Variants in TUSC3 observed in about 807,000 individuals in gnomAD.
The protein encoded by TUSC3 is tumor suppressor candidate 3, also known as dolichyl-diphosphooligosaccharide--protein glycosyltransferase subunit TUSC3.
TUSC3 carries 45 observed loss-of-function variants against 44.8 expected under a neutral mutation model. The observed-to-expected ratio is 1.00, with a 90% CI of 0.79 to 1.29. The LOEUF (loss-of-function observed/expected upper bound fraction) is 1.29, where lower values mean the gene tolerates loss of function less well. TUSC3 is among the 50% of genes most tolerant of loss of function. TUSC3 has a pLI of 0.00. For synonymous variants in TUSC3, 212 were observed against 152.9 expected, an observed-to-expected ratio of 1.39 and a Z score of -2.85; for missense variants, 519 against 437.9, an observed-to-expected ratio of 1.19 and a Z score of -1.65.
intron 1 of TUSC3, among the ~76,000 whole-genome samples, chr8:15,450,727 G>C (rs1037001177): frequency 6.6e-6 from 1 of 152,118 alleles, no homozygotes; most frequent in Non-Finnish European, 1.5e-5. Context: ...TTTGGAGAAA[G>C]CCTTAGTAAC....
chr8:15,522,219 A>G (rs145836426), intron 2 of TUSC3, among the ~76,000 whole-genome samples: 3,552 of 151,940 alleles, frequency 0.023, 84 homozygotes, highest in Non-Finnish European at 0.033. Context: ...AAGTCAATAA[A>G]TAGTATTCAG....
chr8:15,558,988 G>A (rs951224494), intron 1 of TUSC3, among the ~76,000 whole-genome samples: 1 of 148,550 alleles, frequency 6.7e-6, no homozygotes, highest in Admixed American at 6.7e-5. Flanking sequence ...AGGGTTTTTT[G>A]TGTCTCTATT....
At chr8:15,660,254 A>C (rs1018820045) in intron 4 of TUSC3, among the ~76,000 whole-genome samples, 3 of 152,076 alleles carry the variant, frequency 2.0e-5, no homozygotes, top group African/African-American at 7.2e-5. Flanking sequence ...AAATAAGAAA[A>C]AGTAAATATA....
intron 1 of TUSC3, among the ~76,000 whole-genome samples, chr8:15,480,686 C>T (rs1440531717): frequency 6.6e-6 from 1 of 152,202 alleles, no homozygotes; most frequent in Non-Finnish European, 1.5e-5. Context: ...TCCCTCCCTG[C>T]ACCTGCATCC....
intron 1 of TUSC3, among the ~76,000 whole-genome samples, chr8:15,449,479 T>C (rs577449559): frequency 6.6e-6 from 1 of 152,220 alleles, no homozygotes; most frequent in Non-Finnish European, 1.5e-5. Context: ...GGAATGCTGG[T>C]CAGATACTGC....
At chr8:15,580,879 G>T (rs1287211348) in intron 1 of TUSC3, among the ~76,000 whole-genome samples, 1 of 141,402 alleles carries the variant, frequency 7.1e-6, no homozygotes, top group East Asian at 2.1e-4. Flanking sequence ...TGCTAGATTG[G>T]GGAAGTTCTC....
chr8:15,823,241 T>C, the TUSC3 span, among the ~76,000 whole-genome samples: 70,457 of 152,082 alleles, frequency 0.46, 18,745 homozygotes, highest in Non-Finnish European at 0.61. Context: ...AAAGCCTGAA[T>C]AGTGGAGGCT....
chr8:15,768,659 T>C (rs558758790), downstream of TUSC3, among the ~76,000 whole-genome samples: 1 of 152,148 alleles, frequency 6.6e-6, no homozygotes, highest in Non-Finnish European at 1.5e-5. Context: ...AATTGTCTGT[T>C]TGTAGATGAC....
the TUSC3 span, among the ~76,000 whole-genome samples, chr8:15,803,265 GA>G: frequency 6.6e-6 from 1 of 151,464 alleles, no homozygotes; most frequent in Non-Finnish European, 1.5e-5. Context: ...TCTTTCCCAG[GA>G]AAAAAAATTA....
At chr8:15,626,378 C>A (rs558898969) in intron 2 of TUSC3, among the ~76,000 whole-genome samples, 1 of 152,278 alleles carries the variant, frequency 6.6e-6, no homozygotes, top group South Asian at 2.1e-4. Context: ...GACCCCAAGG[C>A]GGAACTGGGT....
At chr8:15,682,469 C>T (rs76933166) in intron 6 of TUSC3, among the ~76,000 whole-genome samples, 20 of 152,126 alleles carry the variant, frequency 1.3e-4, no homozygotes, top group Non-Finnish European at 2.2e-4. Flanking sequence ...ACTTTTATCT[C>T]GTGTAAGTAC....
intron 1 of TUSC3, among the ~76,000 whole-genome samples, chr8:15,446,321 G>A (rs1293534724): frequency 2.6e-5 from 4 of 152,134 alleles, no homozygotes; most frequent in African/African-American, 4.8e-5. Flanking sequence ...CTTCCCAGAC[G>A]GGGTGGCGGC....
At chr8:15,775,031 C>G in the TUSC3 span, among the ~76,000 whole-genome samples, 3 of 152,160 alleles carry the variant, frequency 2.0e-5, no homozygotes, top group African/African-American at 7.2e-5. Flanking sequence ...GTTCATATCA[C>G]TATTCACAAT....
chr8:15,605,433 T>C (rs1391714902), intron 1 of TUSC3, among the ~76,000 whole-genome samples: 1 of 151,964 alleles, frequency 6.6e-6, no homozygotes, highest in African/African-American at 2.4e-5. Flanking sequence ...TATCTTCTCC[T>C]GTAGAAGGAA....
chr8:15,663,803 A>G (rs146166727), intron 5 of TUSC3, among the ~76,000 whole-genome samples: 1,685 of 151,920 alleles, frequency 0.011, 10 homozygotes, highest in Non-Finnish European at 0.018. Flanking sequence ...GCTTTTTTCC[A>G]TGCTAGTTTT....
intron 1 of TUSC3, among the ~76,000 whole-genome samples, chr8:15,431,346 T>G (rs1799871694): frequency 6.6e-6 from 1 of 151,850 alleles, no homozygotes; most frequent in Admixed American, 6.6e-5. Flanking sequence ...TATTTGTGTC[T>G]TCAATTTATT....
chr8:15,492,373 T>C (rs1331526520), intron 2 of TUSC3, among the ~76,000 whole-genome samples: 2 of 152,200 alleles, frequency 1.3e-5, no homozygotes, highest in African/African-American at 2.4e-5. Context: ...ATTCCCACTT[T>C]ATTATTTAAA....
rs114520391 is a variant in TUSC3 at position 15,426,472 on chromosome 8, C to T, written n.91+9167C>T. Among the ~76,000 whole-genome samples the T allele has an allele frequency of 7.1e-3, 1,075 of 152,164 alleles. 16 individuals carry two copies. The highest frequency in any genetic ancestry group is 0.025 in the African/African-American group (1,023 of 41,506). ...CCATGAGTTTGACTGTTATAGATAC[C>T]TCATGTAAGTGGAAGTCTACTATAT... On this transcript the variant is annotated intron_variant and non_coding_transcript_variant, in intron 1 of 5. Transcript: ENST00000503191.
chr8:15,754,134 G>A (rs989045350), intron 9 of TUSC3, among the ~76,000 whole-genome samples: 8 of 142,444 alleles, frequency 5.6e-5, no homozygotes, highest in East Asian at 2.1e-4. Context: ...TGTAGAAAAC[G>A]AGAGAATGAA....
Sources: allele counts gnomAD v4.1 joint callset (sites outside exome capture counted in the v4.1 genomes callset), GRCh38; gene constraint gnomAD v4.1.1; transcripts MANE v1.5; gene names NCBI Gene and HGNC (gene_info 2026-07-23, HGNC 2026-07-21).